AHCY: variants seen among roughly 807,000 people sequenced by gnomAD.
AHCY encodes the protein S-adenosyl-L-homocysteine hydrolase.
A neutral mutation model predicts 45.4 loss-of-function variants in AHCY; 24 were observed. The ratio of observed to expected loss-of-function variants is 0.53; its 90% CI spans 0.38 to 0.74. AHCY has a LOEUF of 0.74. Ranked by LOEUF, AHCY falls within the 30% of genes least tolerant of loss-of-function variation. AHCY has a pLI of 0.00. For missense variants in AHCY, 449 were observed against 594.1 expected (o/e 0.76, Z 2.54); for synonymous variants, 245 against 235.1 (o/e 1.04, Z -0.39).
At chr20:34,254,931 A>T in the AHCY span, among the ~76,000 whole-genome samples, 1 of 152,156 alleles carries the variant, frequency 6.6e-6, no homozygotes, top group Non-Finnish European at 1.5e-5. Flanking sequence ...GTCCAACTGT[A>T]TGGTTCTACC....
chr20:34,291,550 G>C lies in AHCY; in HGVS notation c.446-19C>G. On this transcript the variant is annotated intron_variant, in intron 4 of 9. Transcript: ENST00000217426. ...CGGATGCCTAAACAAGAGGGGACAG[G>C]ACAAGCCTCAGAGATGCCACACCTG... is the stretch of plus-strand genomic sequence containing the variant. 1 of 1,604,918 alleles carries C rather than the reference G, an allele frequency of 6.2e-7. No homozygotes were observed. Among genetic ancestry groups the C allele is most frequent in the Non-Finnish European group, 8.5e-7 (1 of 1,171,732 alleles).
intron 4 of AHCY, 89 bp downstream of exon 4, chr20:34,292,269 G>A (rs2036420545): frequency 1.3e-6 from 2 of 1,482,334 alleles, no homozygotes; most frequent in Middle Eastern, 2.3e-4. Context: ...TGAGGTGATG[G>A]GAGTCCTGCC....
At chr20:34,300,394 G>A (rs544873348) in intron 1 of AHCY, among the ~76,000 whole-genome samples, 5 of 151,962 alleles carry the variant, frequency 3.3e-5, no homozygotes, top group Admixed American at 6.6e-5. Flanking sequence ...CTCAATCTTC[G>A]GGCCCTATCT....
In AHCY at chr20:34,295,417, G is replaced by T. The variant is rs753122290; in HGVS notation, c.197C>A (p.Thr66Asn). The change falls in exon 2 of 10, where the codon ACC becomes AAC. Residue 66 changes from threonine (T) to asparagine (N), a missense_variant. Coordinates refer to ENST00000217426, the MANE Select transcript of AHCY (RefSeq NM_000687.4). ...CACCTCAGCACCCAGGGTGACGAGG[G>T]TCTCAATGAGGACGGCCGTCTCCAC... is the stretch of plus-strand genomic sequence containing the variant. ...MTVETAVLIE[T>N]LVTLGAEVQW... is the part of the protein sequence containing the mutation. 1 of 1,614,012 alleles carries T rather than the reference G, an allele frequency of 6.2e-7. No homozygotes were observed. Among genetic ancestry groups the T allele is most frequent in the Non-Finnish European group, 8.5e-7 (1 of 1,179,912 alleles).
At chr20:34,238,165 T>C in the AHCY span, among the ~76,000 whole-genome samples, 2 of 152,182 alleles carry the variant, frequency 1.3e-5, no homozygotes, top group Non-Finnish European at 2.9e-5. Context: ...ATTGAGCTTC[T>C]TGGATGTTTA....
chr20:34,287,332 ATTGCCT>A (rs1196101040), intron 8 of AHCY, among the ~76,000 whole-genome samples: 13 of 151,264 alleles, frequency 8.6e-5, no homozygotes, highest in Non-Finnish European at 1.9e-4. Context: ...GAGTGTGGGC[ATTGCCT>A]CTGCCAGAGG....
upstream of AHCY, among the ~76,000 whole-genome samples, chr20:34,307,480 C>T (rs1168421541): frequency 1.3e-5 from 2 of 152,206 alleles, no homozygotes; most frequent in African/African-American, 4.8e-5. Context: ...TCAAGCAATT[C>T]TCATGCCTCA....
chr20:34,275,796 C>G (rs1432813830), downstream of AHCY, among the ~76,000 whole-genome samples: 5 of 151,932 alleles, frequency 3.3e-5, no homozygotes, highest in Non-Finnish European at 7.4e-5. Context: ...CCTGTCTCAG[C>G]CTCCTGAGTA....
Position 34,295,384 on chromosome 20 carries a change from G to A in AHCY, c.219+11C>T. ...GCAAGGACTCTGGGGTGATACAGCT[G>A]TGGGCCTCACCTCAGCACCCAGGGT... On this transcript the variant is annotated intron_variant, in intron 2 of 9. Coordinates refer to ENST00000217426, the MANE Select transcript of AHCY (RefSeq NM_000687.4). 1 of 1,614,056 alleles carries A rather than the reference G, an allele frequency of 6.2e-7. No individual in the cohort carries two copies. The highest frequency in any genetic ancestry group is 8.5e-7 in the Non-Finnish European group (1 of 1,179,972).
the AHCY span, among the ~76,000 whole-genome samples, chr20:34,251,420 G>A: frequency 5.0e-4 from 76 of 151,980 alleles, 1 homozygote; most frequent in Admixed American, 9.2e-4. Context: ...ACAGGTGCCC[G>A]CCACCACGCC....
intron 1 of AHCY, among the ~76,000 whole-genome samples, chr20:34,310,284 C>T (rs566988640): frequency 6.8e-4 from 104 of 152,226 alleles, no homozygotes; most frequent in Middle Eastern, 3.4e-3. Flanking sequence ...TGGTCTTGAA[C>T]GCCTGACCTC....
intron 9 of AHCY, among the ~76,000 whole-genome samples, chr20:34,283,242 A>T (rs1390551772): frequency 6.6e-6 from 1 of 151,996 alleles, no homozygotes; most frequent in Non-Finnish European, 1.5e-5. Flanking sequence ...TAAGGTCAAC[A>T]CCTTGGACAG....
the AHCY span, among the ~76,000 whole-genome samples, chr20:34,246,968 C>T: frequency 6.6e-6 from 1 of 151,606 alleles, no homozygotes; most frequent in Non-Finnish European, 1.5e-5. Flanking sequence ...TTTTAGTTGT[C>T]ATTGTTGTTG....
chr20:34,261,351 C>G, the AHCY span, among the ~76,000 whole-genome samples: 1 of 151,950 alleles, frequency 6.6e-6, no homozygotes, highest in African/African-American at 2.4e-5. Flanking sequence ...AATTTAAAAA[C>G]TAGCAAGGCA....
intron 9 of AHCY, among the ~76,000 whole-genome samples, chr20:34,284,482 C>T (rs188995251): frequency 6.6e-6 from 1 of 152,118 alleles, no homozygotes; most frequent in African/African-American, 2.4e-5. Context: ...CATCTTATTA[C>T]AAGGCCACAA....
At chr20:34,235,857 G>GA in the AHCY span, among the ~76,000 whole-genome samples, 4 of 45,426 alleles carry the variant, frequency 8.8e-5, no homozygotes, top group African/African-American at 1.0e-3. Context: ...AGGAAGGAAG[G>GA]AAGGAAGGAA....
At chr20:34,279,180 C>T (rs1279345906), downstream of AHCY, among the ~76,000 whole-genome samples, 1 of 149,068 alleles carries the variant, frequency 6.7e-6, no homozygotes, top group Non-Finnish European at 1.5e-5. Flanking sequence ...TTTGGGTGGC[C>T]GAGGCGGGTG....
chr20:34,240,332 C>T, the AHCY span, among the ~76,000 whole-genome samples: 2 of 152,072 alleles, frequency 1.3e-5, no homozygotes, highest in Non-Finnish European at 2.9e-5. Flanking sequence ...GTGCTGTGCC[C>T]CAAGTGCTTC....
chr20:34,251,076 C>A, the AHCY span, among the ~76,000 whole-genome samples: 27 of 152,136 alleles, frequency 1.8e-4, no homozygotes, highest in Non-Finnish European at 2.9e-5. Flanking sequence ...CCTGTACAAA[C>A]CCTCATTGCT....
Sources: allele counts gnomAD v4.1 joint callset (sites outside exome capture counted in the v4.1 genomes callset), GRCh38; gene constraint gnomAD v4.1.1; transcripts MANE v1.5; gene names NCBI Gene and HGNC (gene_info 2026-07-23, HGNC 2026-07-21).